DPH6: variants seen among roughly 807,000 people sequenced by gnomAD.
The protein encoded by DPH6 is diphthine--ammonia ligase.
Under a neutral mutation model 38.2 loss-of-function variants are expected in DPH6, and 33 were observed. The ratio of observed to expected loss-of-function variants is 0.86; its 90% CI spans 0.65 to 1.15. DPH6 has a LOEUF of 1.15. Ranked by LOEUF, DPH6 falls within the 50% of genes most tolerant of loss-of-function variation. DPH6 has a pLI of 0.00. For synonymous variants in DPH6, 108 were observed against 103.0 expected (o/e 1.05, Z -0.30); for missense variants, 325 against 320.0 (o/e 1.02, Z -0.12).
intron 7 of DPH6, among the ~76,000 whole-genome samples, chr15:35,378,129 T>C (rs1480028477): frequency 1.3e-5 from 2 of 152,008 alleles, no homozygotes; most frequent in Non-Finnish European, 2.9e-5. Flanking sequence ...AAACAAAATT[T>C]ACAAGAAAAA....
intron 6 of DPH6, among the ~76,000 whole-genome samples, chr15:35,382,450 A>AACAC (rs56269036): frequency 0.26 from 39,681 of 150,218 alleles, 5,362 homozygotes; most frequent in South Asian, 0.37. Flanking sequence ...CGAAAAACAA[A>AACAC]ACACACACAC....
At chr15:35,403,228 GCTTT>G (rs1254324845) in intron 6 of DPH6, among the ~76,000 whole-genome samples, 1 of 151,848 alleles carries the variant, frequency 6.6e-6, no homozygotes, top group Non-Finnish European at 1.5e-5. Context: ...GTTTTTACTT[GCTTT>G]CTTTCACTTG....
chr15:35,291,427 A>C (rs1461186009), intron 3 of DPH6, among the ~76,000 whole-genome samples: 2 of 151,224 alleles, frequency 1.3e-5, no homozygotes, highest in Non-Finnish European at 2.9e-5. Flanking sequence ...TAAGCATCAC[A>C]TAAACCAAAA....
At position 35,542,472 on chromosome 15, in the gene DPH6, C is replaced by T; in HGVS notation, c.59G>A (p.Cys20Tyr). Residue 20 changes from cysteine (C) to tyrosine (Y), a missense_variant, in exon 2 of 9, where the codon TGC becomes TAC. Cys to Tyr is a radical substitution (Grantham distance 194). Coordinates refer to ENST00000256538, the MANE Select transcript of DPH6 (RefSeq NM_080650.4). Reference sequence around the variant, plus strand: ...AACGATCTGATGCCCAGCAGCAATGCACTGCATCATATTATAGCAGCTGTC... The same window carrying T: ...AACGATCTGATGCCCAGCAGCAATGTACTGCATCATATTATAGCAGCTGTC... ...GKDSCYNMMQCIAAGHQIVAL... is the reference protein window; with the variant it reads ...GKDSCYNMMQYIAAGHQIVAL... 3 of 1,581,834 alleles carry T rather than the reference C, an allele frequency of 1.9e-6. No homozygotes were observed. The highest frequency in any genetic ancestry group is 2.6e-6 in the Non-Finnish European group (3 of 1,154,626).
At chr15:35,525,321 GC>G (rs1356562538) in intron 3 of DPH6, among the ~76,000 whole-genome samples, 1 of 151,854 alleles carries the variant, frequency 6.6e-6, no homozygotes, top group African/African-American at 2.4e-5. Context: ...CCCATCCCTG[GC>G]CCCCATCACT....
intron 3 of DPH6, among the ~76,000 whole-genome samples, chr15:35,278,638 C>G (rs2051874933): frequency 6.6e-6 from 1 of 152,192 alleles, no homozygotes; most frequent in Admixed American, 6.5e-5. Flanking sequence ...GGAGAAGCCA[C>G]AGGCACTGGA....
the DPH6 span, among the ~76,000 whole-genome samples, chr15:35,182,110 G>A: frequency 6.7e-6 from 1 of 149,406 alleles, no homozygotes; most frequent in South Asian, 2.1e-4. Flanking sequence ...TGGTTGTATA[G>A]TTGTATAAAA....
intron 3 of DPH6, among the ~76,000 whole-genome samples, chr15:35,241,555 T>C (rs2051599206): frequency 7.0e-6 from 1 of 142,590 alleles, no homozygotes; most frequent in African/African-American, 2.5e-5. Context: ...TTTAACCAAA[T>C]TATCTGCTTC....
chr15:35,322,672 A>G (rs1458709231), intron 3 of DPH6, among the ~76,000 whole-genome samples: 1 of 152,182 alleles, frequency 6.6e-6, no homozygotes, highest in Non-Finnish European at 1.5e-5. Context: ...GAATAATCAT[A>G]TATTTTTAAA....
At chr15:35,350,041 T>C (rs1369739709) in intron 3 of DPH6, among the ~76,000 whole-genome samples, 1 of 152,324 alleles carries the variant, frequency 6.6e-6, no homozygotes, top group Non-Finnish European at 1.5e-5. Context: ...GTTCTTTAAA[T>C]GGCTGCAAGA....
the DPH6 span, among the ~76,000 whole-genome samples, chr15:35,170,265 C>A: frequency 6.6e-6 from 1 of 152,182 alleles, no homozygotes; most frequent in Non-Finnish European, 1.5e-5. Context: ...GCTTGACTTC[C>A]ATGATGAGAA....
Position 35,500,157 on chromosome 15 carries a change from C to T in DPH6, c.312+38117G>A, listed in dbSNP as rs538130417. 4.6e-5 allele frequency among the ~76,000 whole-genome samples: 7 copies of T among 152,276 alleles called. No individual in the cohort carries two copies. The South Asian group carries it at 1.2e-3, about 27-fold the overall frequency. ...AAGATAATAAATATATCAGTCCATG[C>T]TACAATATAATCAGTATCATAATCA... On this transcript the variant is annotated intron_variant, in intron 3 of 8. Coordinates refer to ENST00000256538, the MANE Select transcript of DPH6 (RefSeq NM_080650.4).
chr15:35,412,969 T>C (rs548810020), intron 5 of DPH6, among the ~76,000 whole-genome samples: 2 of 150,026 alleles, frequency 1.3e-5, no homozygotes, highest in African/African-American at 4.8e-5. Context: ...TGAACCTTAA[T>C]GTAAACTATG....
At chr15:35,532,409 C>A (rs1451654689) in intron 3 of DPH6, among the ~76,000 whole-genome samples, 1 of 152,040 alleles carries the variant, frequency 6.6e-6, no homozygotes, top group Non-Finnish European at 1.5e-5. Flanking sequence ...AGAATGAAGT[C>A]AAGGGGTCAG....
At chr15:35,179,204 C>CTCAAAAAAAA in the DPH6 span, among the ~76,000 whole-genome samples, 1 of 50,602 alleles carries the variant, frequency 2.0e-5, no homozygotes, top group African/African-American at 7.9e-5. Context: ...ACAACTCTGT[C>CTCAAAAAAAA]AAAAAAAAAA....
intron 6 of DPH6, among the ~76,000 whole-genome samples, chr15:35,397,306 C>T (rs2053147311): frequency 1.3e-5 from 2 of 152,166 alleles, no homozygotes; most frequent in East Asian, 1.9e-4. Flanking sequence ...AGCAACTAAA[C>T]CTACACACTC....
intron 3 of DPH6, chr15:35,521,938 T>C: frequency 7.0e-7 from 1 of 1,420,290 alleles, no homozygotes; most frequent in Non-Finnish European, 9.2e-7. Flanking sequence ...AAAGTTCATT[T>C]TTGAAGGTTT....
chr15:35,159,258 T>A, the DPH6 span, among the ~76,000 whole-genome samples: 6 of 152,104 alleles, frequency 3.9e-5, no homozygotes, highest in African/African-American at 1.4e-4. Context: ...ACGGGAACCA[T>A]GTTCCCATGT....
the DPH6 span, among the ~76,000 whole-genome samples, chr15:35,176,941 G>C: frequency 6.6e-6 from 1 of 152,226 alleles, no homozygotes; most frequent in African/African-American, 2.4e-5. Flanking sequence ...CATATGATTA[G>C]AAATAGCAGC....
Sources: gnomAD v4.1 joint callset for allele counts (sites outside exome capture counted in the v4.1 genomes callset) on GRCh38, gnomAD v4.1.1 for gene constraint, MANE v1.5 for transcripts, NCBI Gene and HGNC (gene_info 2026-07-23, HGNC 2026-07-21) for gene names.